USP44: variants seen among roughly 807,000 people sequenced by gnomAD.
USP44 encodes ubiquitin specific peptidase 44.
A neutral mutation model predicts 69.0 loss-of-function variants in USP44; 61 were observed. The ratio of observed to expected loss-of-function variants is 0.88; its 90% CI spans 0.72 to 1.09. USP44 has a LOEUF of 1.09. USP44 is among the 50% of genes least tolerant of loss of function. The probability of loss-of-function intolerance (pLI) is 0.00; values close to 1 mark genes in which losing one functional copy is unlikely to be tolerated. For missense variants in USP44, 753 were observed against 849.9 expected (o/e 0.89, Z 1.42); for synonymous variants, 297 against 295.4 (o/e 1.01, Z -0.06).
intron 1 of USP44, among the ~76,000 whole-genome samples, chr12:95,545,737 C>T (rs770041927): frequency 3.9e-5 from 6 of 152,120 alleles, no homozygotes; most frequent in Non-Finnish European, 7.4e-5. Context: ...AATTACTGAG[C>T]GAATGAACAC....
intron 1 of USP44, chr12:95,547,953 T>G (rs1295376049): frequency 6.6e-6 from 1 of 152,192 alleles, no homozygotes; most frequent in African/African-American, 2.4e-5. Flanking sequence ...TCACTTTCTT[T>G]TTTCATGGGG....
intron 1 of USP44, among the ~76,000 whole-genome samples, chr12:95,536,662 G>A (rs1017289717): frequency 6.6e-6 from 1 of 152,084 alleles, no homozygotes; most frequent in African/African-American, 2.4e-5. Context: ...CCTGATCCAA[G>A]CTACAATCAA....
intron 5 of USP44, among the ~76,000 whole-genome samples, chr12:95,520,143 T>C (rs1384616912): frequency 2.9e-5 from 4 of 139,328 alleles, no homozygotes; most frequent in Admixed American, 7.6e-5. Context: ...GTTTGGGCTG[T>C]GTTGGGTGGG....
chr12:95,533,040 A>G lies in USP44; in HGVS notation c.1217T>C (p.Leu406Pro). The G allele has an allele frequency of 1.2e-6, 2 of 1,614,242 alleles. No individual in the cohort carries two copies. The highest frequency in any genetic ancestry group is 1.3e-5 in the African/African-American group (1 of 75,062). ...KWALVSPFAM[L>P]HSVWRLIPAF... ...AGGAATGAGTCTCCACACTGAGTGT[A>G]GCATAGCAAATGGTGAGACCAACGC... The change falls in exon 2 of 6, where the codon CTA becomes CCA. Residue 406 changes from leucine to proline, a missense_variant. Leu to Pro is a moderately conservative substitution (Grantham distance 98, BLOSUM62 -3). Coordinates refer to ENST00000258499, the MANE Select transcript of USP44 (RefSeq NM_032147.5).
chr12:95,532,758 G>T lies in USP44; in HGVS notation c.1428+71C>A, dbSNP rs371900364. On this transcript the variant is annotated intron_variant, in intron 2 of 5. Coordinates refer to ENST00000258499, the MANE Select transcript of USP44 (RefSeq NM_032147.5). ...TAGCTCAACACACTAGATGTACATAGAATATGCCTTTTTATAGGCTACACT... is the reference window on the plus strand; with the variant it reads ...TAGCTCAACACACTAGATGTACATATAATATGCCTTTTTATAGGCTACACT... The T allele has an allele frequency of 7.9e-4, 1,053 of 1,325,310 alleles. 17 individuals carry two copies. In the South Asian group the frequency reaches 0.015, roughly 19 times the overall value. The allele number at this position is 1,325,310 out of a possible 1,614,324, so 82.1% of individuals were successfully genotyped here.
At position 95,520,136 on chromosome 12, in the gene USP44, T is replaced by G. The variant is rs142055127; in HGVS notation, c.1939+861A>C. ...TTGTCCTCACCTCTCTTTTTCTGTT[T>G]GGGCTGTGTTGGGTGGGGGTGGGGA... On this transcript the variant is annotated intron_variant, in intron 5 of 5. Coordinates refer to ENST00000258499, the MANE Select transcript of USP44 (RefSeq NM_032147.5). Among the ~76,000 whole-genome samples, 206 of 112,344 alleles carry G rather than the reference T, an allele frequency of 1.8e-3. 5 individuals are homozygous for G. In the East Asian group the frequency reaches 0.049, roughly 27 times the overall value. The allele number at this position is 112,344 out of a possible 152,430, so 73.7% of individuals were successfully genotyped here.
At position 95,534,000 on chromosome 12, in the gene USP44, A is replaced by G; in HGVS notation, c.257T>C (p.Val86Ala). 3.7e-6 allele frequency: 6 copies of G among 1,614,178 alleles called. No homozygotes were observed. The highest frequency in any genetic ancestry group is 5.1e-6 in the Non-Finnish European group (6 of 1,180,022). Reference sequence around the variant, plus strand: ...GTCTCCAGTTGTGTTATCATTCAGAACATAATCATCACAAAGGTAACAAAA... The same window carrying G: ...GTCTCCAGTTGTGTTATCATTCAGAGCATAATCATCACAAAGGTAACAAAA... ...YVFCYLCDDYVLNDNTTGDLK... is the reference protein window; with the variant it reads ...YVFCYLCDDYALNDNTTGDLK... The change falls in exon 2 of 6, where the codon GTT becomes GCT. Residue 86 changes from valine (V) to alanine (A), a missense_variant. Coordinates refer to ENST00000258499, the MANE Select transcript of USP44 (RefSeq NM_032147.5).
chr12:95,518,093 A>T lies in USP44; in HGVS notation c.*61T>A. On this transcript the variant is annotated 3_prime_UTR_variant, in exon 6 of 6. Coordinates refer to ENST00000258499, the MANE Select transcript of USP44 (RefSeq NM_032147.5). Reference sequence around the variant, plus strand: ...AAGAAAAAATGAAGTTTAAAATGGTACATCAGTCTTTTAAAAAGTATATAT... The same window carrying T: ...AAGAAAAAATGAAGTTTAAAATGGTTCATCAGTCTTTTAAAAAGTATATAT... 1 of 1,542,298 alleles carries T rather than the reference A, an allele frequency of 6.5e-7. No individual in the cohort carries two copies. Among genetic ancestry groups the T allele is most frequent in the East Asian group, 2.3e-5 (1 of 44,378 alleles).
intron 1 of USP44, chr12:95,546,464 A>G (rs2140388167): frequency 6.6e-6 from 1 of 152,332 alleles, no homozygotes; most frequent in African/African-American, 2.4e-5. Flanking sequence ...TATTTGTAGA[A>G]TCCTCCTGTA....
At chr12:95,537,600 A>G (rs1270798909) in intron 1 of USP44, among the ~76,000 whole-genome samples, 1 of 152,202 alleles carries the variant, frequency 6.6e-6, no homozygotes, top group Non-Finnish European at 1.5e-5. Context: ...TACAGTCATG[A>G]GCCACCACGC....
chr12:95,534,218 C>A lies in USP44; in HGVS notation c.39G>T (p.Leu13=). Residue 13 remains leucine (L), a synonymous_variant, in exon 2 of 6, where the codon CTG becomes CTT. Transcript: ENST00000258499. ...GGCTGGAATGGTCTTGAGCAAGCTG[C>A]AGCTGCCCAACATGTTTGCACGTAT... ...AMDTCKHVGQ[L]QLAQDHSSLN... 6.2e-7 allele frequency: 1 copy of A among 1,613,788 alleles called. No homozygotes were observed. The highest frequency in any genetic ancestry group is 8.5e-7 in the Non-Finnish European group (1 of 1,179,836).
chr12:95,523,095 T>A (rs1024627961), intron 4 of USP44, among the ~76,000 whole-genome samples: 1 of 152,144 alleles, frequency 6.6e-6, no homozygotes, highest in Non-Finnish European at 1.5e-5. Flanking sequence ...GTGGAACCTA[T>A]ATGCCCCTTC....
chr12:95,522,756 C>A (rs563294695), intron 4 of USP44, among the ~76,000 whole-genome samples: 21 of 132,510 alleles, frequency 1.6e-4, no homozygotes, highest in Admixed American at 2.7e-4. Context: ...CCAGCCTAGG[C>A]GACAAGAGCG....
At chr12:95,547,208 A>G (rs1252434923) in intron 1 of USP44, among the ~76,000 whole-genome samples, 1 of 152,230 alleles carries the variant, frequency 6.6e-6, no homozygotes, top group Non-Finnish European at 1.5e-5. Context: ...AGTAGTCAAA[A>G]TATTTCAGCT....
chr12:95,517,996 T>G lies in USP44; in HGVS notation c.*158A>C. ...AAAAAGTAGTTACCTTCAGTTGATA[T>G]ATACATTTATACTTTGTAAAAAAAA... On this transcript the variant is annotated 3_prime_UTR_variant, in exon 6 of 6. Coordinates refer to ENST00000258499, the MANE Select transcript of USP44 (RefSeq NM_032147.5). The G allele has an allele frequency of 1.5e-6, 1 of 667,476 alleles. No individual in the cohort carries two copies. Among genetic ancestry groups the G allele is most frequent in the Non-Finnish European group, 2.3e-6 (1 of 428,762 alleles). 41.3% of individuals were successfully genotyped at this position (667,476 alleles called of 1,614,324 possible).
intron 4 of USP44, among the ~76,000 whole-genome samples, chr12:95,523,345 G>C (rs906206469): frequency 2.6e-5 from 4 of 152,164 alleles, no homozygotes; most frequent in African/African-American, 9.7e-5. Context: ...GGTCAGTCTT[G>C]TGGGACTGAG....
chr12:95,538,106 CATCT>C (rs983643816), intron 1 of USP44, among the ~76,000 whole-genome samples: 107 of 152,258 alleles, frequency 7.0e-4, no homozygotes, highest in African/African-American at 2.4e-3. Flanking sequence ...GATTAGATGT[CATCT>C]ATCTGAGACA....
In USP44 at chr12:95,541,239, A is replaced by G. The variant is rs552656349; in HGVS notation, c.-70-6913T>C. 5.3e-5 allele frequency among the ~76,000 whole-genome samples: 8 copies of G among 152,234 alleles called. No individual in the cohort carries two copies. The South Asian group carries it at 1.7e-3, about 32-fold the overall frequency. ...TGCAGTGAGCCGAGATGGCGCCACTACACTCCAGCCTGGGCGACAGAGTGA... is the reference window on the plus strand; with the variant it reads ...TGCAGTGAGCCGAGATGGCGCCACTGCACTCCAGCCTGGGCGACAGAGTGA... On this transcript the variant is annotated intron_variant, in intron 1 of 5. Transcript: ENST00000258499.
intron 3 of USP44, among the ~76,000 whole-genome samples, chr12:95,528,420 C>T (rs558159882): frequency 6.6e-6 from 1 of 152,208 alleles, no homozygotes; most frequent in East Asian, 1.9e-4. Context: ...TATAGACATA[C>T]ACACACGCAT....
Sources: gnomAD v4.1 joint callset for allele counts (sites outside exome capture counted in the v4.1 genomes callset) on GRCh38, gnomAD v4.1.1 for gene constraint, MANE v1.5 for transcripts, NCBI Gene and HGNC (gene_info 2026-07-23, HGNC 2026-07-21) for gene names.